UGGT1: variants seen among roughly 807,000 people sequenced by gnomAD.
UGGT1 encodes the protein UDP-glucose glycoprotein glucosyltransferase 1.
In UGGT1, 107 loss-of-function variants were observed where a neutral mutation model predicts 203.9. The ratio of observed to expected loss-of-function variants is 0.52; its 90% CI spans 0.45 to 0.62. The LOEUF (loss-of-function observed/expected upper bound fraction) is 0.62. UGGT1 is among the 20% of genes least tolerant of loss of function. The pLI is 0.00. For synonymous variants in UGGT1, 628 were observed against 653.5 expected (o/e 0.96, Z 0.59); for missense variants, 1,673 against 1,867.2 (o/e 0.90, Z 1.92).
chr2:128,146,299 A>G (rs1689686776), intron 18 of UGGT1, among the ~76,000 whole-genome samples: 1 of 152,132 alleles, frequency 6.6e-6, no homozygotes, highest in African/African-American at 2.4e-5. Flanking sequence ...TGATGGAGTG[A>G]GACCCTGTCC....
intron 4 of UGGT1, among the ~76,000 whole-genome samples, chr2:128,108,372 T>C (rs1344748808): frequency 1.3e-5 from 2 of 152,192 alleles, no homozygotes; most frequent in Non-Finnish European, 2.9e-5. Flanking sequence ...AGCCTGTAGT[T>C]CTAAAAGCAG....
chr2:128,174,309 GTT>G (rs536672995), intron 30 of UGGT1, among the ~76,000 whole-genome samples: 12 of 134,436 alleles, frequency 8.9e-5, no homozygotes, highest in Non-Finnish European at 1.1e-4. Context: ...TATTGTACTA[GTT>G]TTTTTTTTTT....
In UGGT1 at chr2:128,145,702, A is replaced by T. The variant is rs1689654063; in HGVS notation, c.1852-101A>T. Reference sequence around the variant, plus strand: ...GTTATTTTTTCTTTACAATATTTCTATTGATTGTTGTTAGAACAGGCATGT... The same window carrying T: ...GTTATTTTTTCTTTACAATATTTCTTTTGATTGTTGTTAGAACAGGCATGT... On this transcript the variant is annotated intron_variant, in intron 17 of 40. Coordinates refer to ENST00000259253, the MANE Select transcript of UGGT1 (RefSeq NM_020120.4). 9.7e-7 allele frequency: 1 copy of T among 1,033,404 alleles called. No individual in the cohort carries two copies. Among genetic ancestry groups the T allele is most frequent in the Non-Finnish European group, 1.3e-6 (1 of 755,880 alleles). 64.0% of individuals were successfully genotyped at this position (1,033,404 alleles called of 1,614,324 possible).
intron 18 of UGGT1, among the ~76,000 whole-genome samples, chr2:128,149,646 G>A (rs918353497): frequency 1.6e-4 from 24 of 151,822 alleles, no homozygotes; most frequent in Non-Finnish European, 2.5e-4. Context: ...GGTGGCGGGC[G>A]CCTGTAGTCC....
chr2:128,128,363 G>A (rs1688708519), intron 12 of UGGT1, among the ~76,000 whole-genome samples: 1 of 149,850 alleles, frequency 6.7e-6, no homozygotes, highest in African/African-American at 2.5e-5. Flanking sequence ...CCAGGCTGGA[G>A]TCCAGTGGCA....
chr2:128,100,583 T>TA (rs1356933448), intron 2 of UGGT1, among the ~76,000 whole-genome samples: 3 of 147,286 alleles, frequency 2.0e-5, no homozygotes, highest in African/African-American at 7.6e-5. Context: ...ATTTTGTATT[T>TA]TTTTTTTTTT....
chr2:128,159,626 C>G lies in UGGT1; in HGVS notation c.2468C>G (p.Ser823Cys). ...TGGGCAGCTCTCCAAACTCAGACTT[C>G]CAACGCTGCTAAGAACTTCATCACC... is the stretch of plus-strand genomic sequence containing the variant. ...AIWAALQTQTSNAAKNFITKM... is the reference protein window; with the variant it reads ...AIWAALQTQTCNAAKNFITKM... Residue 823 changes from serine to cysteine, a missense_variant, in exon 23 of 41, where the codon TCC becomes TGC. Transcript: ENST00000259253. The G allele has an allele frequency of 6.2e-7, 1 of 1,614,184 alleles. No homozygotes were observed. The highest frequency in any genetic ancestry group is 8.5e-7 in the Non-Finnish European group (1 of 1,180,036).
intron 15 of UGGT1, among the ~76,000 whole-genome samples, chr2:128,135,332 T>C (rs562817745): frequency 1.3e-5 from 2 of 152,382 alleles, no homozygotes; most frequent in East Asian, 1.9e-4. Flanking sequence ...ACTAAACATA[T>C]ACACAGCCTT....
At chr2:128,178,381 A>C in intron 33 of UGGT1, 87 bp from the exon 34 acceptor site, 2 of 1,114,452 alleles carry the variant, frequency 1.8e-6, no homozygotes, top group Non-Finnish European at 2.6e-6. Context: ...GAAGGATGGG[A>C]AGCGCAGTCT....
chr2:128,133,430 A>G (rs1268530648), intron 14 of UGGT1, among the ~76,000 whole-genome samples, 170 bp downstream of exon 14: 1 of 151,984 alleles, frequency 6.6e-6, no homozygotes, highest in African/African-American at 2.4e-5. Flanking sequence ...TGTACTGACC[A>G]CTTGTGGGGC....
At chr2:128,142,584 CAAA>C (rs140971109) in intron 16 of UGGT1, among the ~76,000 whole-genome samples, 8 of 57,384 alleles carry the variant, frequency 1.4e-4, no homozygotes, top group African/African-American at 1.2e-4. Context: ...GACTCCATCT[CAAA>C]AAAAAAAAAA....
At chr2:128,152,763 C>T in intron 18 of UGGT1, 21 bp from the exon 19 acceptor site, 1 of 1,587,140 alleles carries the variant, frequency 6.3e-7, no homozygotes. Flanking sequence ...CCCCCCTCAA[C>T]CTCCTTTTTT....
rs1283806222 is a variant in UGGT1, at chr2:128,134,620, A to G, written c.1498-256A>G. On this transcript the variant is annotated intron_variant, in intron 14 of 40. Transcript: ENST00000259253. ...CTTGGTTTTCATTTGGTGTAGTAGA[A>G]AAAGCGGCATCATCACTTTGGAGTA... Among the ~76,000 whole-genome samples, 4 of 152,326 alleles carry G rather than the reference A, an allele frequency of 2.6e-5. No homozygotes were observed. In the East Asian group the frequency reaches 7.7e-4, roughly 29 times the overall value.
In UGGT1 at chr2:128,183,397, T is replaced by C. The variant is rs138028694; in HGVS notation, c.4245-278T>C. ...GGTTGTTTATCAGTTACTATGGCTTTTGTTACTGCCGCATATGCTAGAAAT... is the reference window on the plus strand; with the variant it reads ...GGTTGTTTATCAGTTACTATGGCTTCTGTTACTGCCGCATATGCTAGAAAT... On this transcript the variant is annotated intron_variant, in intron 37 of 40. Coordinates refer to ENST00000259253, the MANE Select transcript of UGGT1 (RefSeq NM_020120.4). Among the ~76,000 whole-genome samples the C allele has an allele frequency of 5.4e-3, 817 of 152,382 alleles. 12 individuals carry two copies. Among genetic ancestry groups the C allele is most frequent in the African/African-American group, 0.017 (723 of 41,596 alleles).
chr2:128,150,142 A>G (rs1179268738), intron 18 of UGGT1, among the ~76,000 whole-genome samples: 1 of 152,166 alleles, frequency 6.6e-6, no homozygotes, highest in Non-Finnish European at 1.5e-5. Flanking sequence ...GCACTACAAA[A>G]AGATGTGTTA....
chr2:128,123,863 T>A (rs1340349499), intron 11 of UGGT1, among the ~76,000 whole-genome samples: 1 of 152,230 alleles, frequency 6.6e-6, no homozygotes, highest in African/African-American at 2.4e-5. Flanking sequence ...TTTATTTCCT[T>A]GTTTTGGTAC....
intron 21 of UGGT1, among the ~76,000 whole-genome samples, 181 bp downstream of exon 21, chr2:128,156,596 CA>C (rs1690244154): frequency 7.2e-6 from 1 of 139,416 alleles, no homozygotes; most frequent in Non-Finnish European, 1.5e-5. Flanking sequence ...CTCATTCTGT[CA>C]CCCAGGCTGG....
At chr2:128,096,357 A>G (rs776974258) in intron 1 of UGGT1, among the ~76,000 whole-genome samples, 33 of 152,242 alleles carry the variant, frequency 2.2e-4, no homozygotes, top group Admixed American at 3.9e-4. Flanking sequence ...GCTTAGAACA[A>G]TAGATATTTA....
rs769370804 is a variant in UGGT1 at position 128,179,918 on chromosome 2, A to G, written c.3900+48A>G. 8.4e-6 allele frequency: 13 copies of G among 1,540,520 alleles called. No individual in the cohort carries two copies. In the African/African-American group the frequency reaches 9.6e-5, roughly 11 times the overall value. Reference sequence around the variant, plus strand: ...AAACATTCTTATTAAGGAGATATTTACTGTATATTTTTCATGACTTTTGTT... The same window carrying G: ...AAACATTCTTATTAAGGAGATATTTGCTGTATATTTTTCATGACTTTTGTT... On this transcript the variant is annotated intron_variant, in intron 35 of 40. Transcript: ENST00000259253.
Sources: allele counts gnomAD v4.1 joint callset (sites outside exome capture counted in the v4.1 genomes callset), GRCh38; gene constraint gnomAD v4.1.1; transcripts MANE v1.5; gene names NCBI Gene and HGNC (gene_info 2026-07-23, HGNC 2026-07-21).